UTRN: variants seen among roughly 807,000 people sequenced by gnomAD.
UTRN encodes the protein dystrophin-related protein 1.
A neutral mutation model predicts 463.9 loss-of-function variants in UTRN; 283 were observed. The ratio of observed to expected loss-of-function variants is 0.61; its 90% CI spans 0.55 to 0.67. UTRN has a LOEUF of 0.67. Ranked by LOEUF, UTRN falls within the 30% of genes least tolerant of loss-of-function variation. The probability of loss-of-function intolerance (pLI) is 0.00; values close to 1 mark genes in which losing one functional copy is unlikely to be tolerated. For synonymous variants in UTRN, 1,442 were observed against 1,431.5 expected, an observed-to-expected ratio of 1.01 and a Z score of -0.17; for missense variants, 3,922 against 4,084.3, an observed-to-expected ratio of 0.96 and a Z score of 1.08.
chr6:144,742,458 C>G (rs1404260887), intron 54 of UTRN, among the ~76,000 whole-genome samples: 1 of 152,006 alleles, frequency 6.6e-6, no homozygotes, highest in East Asian at 1.9e-4. Context: ...TAATCAGAAA[C>G]ATCTTTTGGT....
chr6:144,848,539 G>A (rs1782217078), intron 74 of UTRN, among the ~76,000 whole-genome samples: 1 of 152,208 alleles, frequency 6.6e-6, no homozygotes, highest in Admixed American at 6.5e-5. Flanking sequence ...GGATCCTATT[G>A]TCAAAGGATG....
In UTRN at chr6:144,511,128, G is replaced by T; in HGVS notation, c.4944+5G>T. On this transcript the variant is annotated splice_donor_5th_base_variant and intron_variant, in intron 35 of 74. Coordinates refer to ENST00000367545, the MANE Select transcript of UTRN (RefSeq NM_007124.3). ...GATTGGTGCAATACCTTGATGGTATGTCTCAGGAAAAAGTAAATGATGAAA... is the reference window on the plus strand; with the variant it reads ...GATTGGTGCAATACCTTGATGGTATTTCTCAGGAAAAAGTAAATGATGAAA... 2.6e-6 allele frequency: 4 copies of T among 1,527,750 alleles called. No individual in the cohort carries two copies. The highest frequency in any genetic ancestry group is 3.5e-6 in the Non-Finnish European group (4 of 1,130,568). 94.6% of individuals were successfully genotyped at this position (1,527,750 alleles called of 1,614,324 possible).
At chr6:144,518,913 TA>T (rs1191349667) in intron 39 of UTRN, among the ~76,000 whole-genome samples, 1 of 152,106 alleles carries the variant, frequency 6.6e-6, no homozygotes, top group Non-Finnish European at 1.5e-5. Flanking sequence ...GGGGGAGCTT[TA>T]AAAAAACTAC....
chr6:144,583,356 C>G, intron 51 of UTRN: 1 of 525,202 alleles, frequency 1.9e-6, no homozygotes, highest in Non-Finnish European at 3.5e-6. Context: ...AACCTAACCC[C>G]CTGTATCTTT....
intron 3 of UTRN, among the ~76,000 whole-genome samples, chr6:144,406,868 C>T (rs1049923457): frequency 5.3e-5 from 8 of 152,252 alleles, no homozygotes; most frequent in African/African-American, 1.7e-4. Flanking sequence ...ATAGCTGCCT[C>T]CCAATTTACT....
chr6:144,479,760 C>G, intron 25 of UTRN, 52 bp from the exon 26 acceptor site: 1 of 1,561,076 alleles, frequency 6.4e-7, no homozygotes, highest in Non-Finnish European at 8.7e-7. Context: ...TAAAACTTGA[C>G]ATTGAACACA....
At chr6:144,588,750 C>G (rs1003271809) in intron 51 of UTRN, among the ~76,000 whole-genome samples, 2 of 152,210 alleles carry the variant, frequency 1.3e-5, no homozygotes, top group African/African-American at 4.8e-5. Flanking sequence ...CTTCCTCTTA[C>G]TCTTAACTGT....
intron 14 of UTRN, among the ~76,000 whole-genome samples, chr6:144,444,625 G>A (rs975564425): frequency 6.6e-6 from 1 of 152,142 alleles, no homozygotes; most frequent in Admixed American, 6.5e-5. Flanking sequence ...GTACTTAGAA[G>A]ATATGCTATT....
At chr6:144,827,783 G>T (rs1190395548) in intron 68 of UTRN, 107 bp downstream of exon 68, 33 of 1,333,536 alleles carry the variant, frequency 2.5e-5, no homozygotes, top group Middle Eastern at 3.7e-4. Flanking sequence ...ATGCAGTTTT[G>T]CAGGAGTTAT....
intron 3 of UTRN, among the ~76,000 whole-genome samples, chr6:144,408,287 A>G (rs1783595722): frequency 6.6e-6 from 1 of 152,154 alleles, no homozygotes; most frequent in South Asian, 2.1e-4. Context: ...CCCCTTCTAA[A>G]TTTCAGAGCC....
At chr6:144,429,776 C>G (rs1029430398) in intron 9 of UTRN, 35 bp downstream of exon 9, 1 of 1,592,066 alleles carries the variant, frequency 6.3e-7, no homozygotes, top group Non-Finnish European at 8.5e-7. Flanking sequence ...GTTTGGCTTG[C>G]CGTATTTGTT....
At chr6:144,803,348 A>G (rs79612504) in intron 65 of UTRN, among the ~76,000 whole-genome samples, 2,743 of 151,704 alleles carry the variant, frequency 0.018, 43 homozygotes, top group African/African-American at 0.04. Flanking sequence ...CTGTGTTTTG[A>G]TTTTAAACTT....
At chr6:144,590,841 TCTAC>T (rs1562616974) in intron 51 of UTRN, among the ~76,000 whole-genome samples, 9 of 94,050 alleles carry the variant, frequency 9.6e-5, no homozygotes, top group Non-Finnish European at 1.9e-4. Context: ...TCTCTCTCAA[TCTAC>T]ACACACACAC....
At chr6:144,371,498 G>A (rs921404686) in intron 2 of UTRN, among the ~76,000 whole-genome samples, 11 of 152,092 alleles carry the variant, frequency 7.2e-5, no homozygotes, top group African/African-American at 1.7e-4. Context: ...CGCAACCTCC[G>A]CCTCCCAGGT....
Position 144,836,157 on chromosome 6 carries a change from T to G in UTRN, c.9825-144T>G, listed in dbSNP as rs1363558786. ...GGGACACTTGCTTAAAACTACAATTTTATTCCTGCATGCTCATCCTGCTAT... is the reference window on the plus strand; with the variant it reads ...GGGACACTTGCTTAAAACTACAATTGTATTCCTGCATGCTCATCCTGCTAT... On this transcript the variant is annotated intron_variant, in intron 70 of 74. Coordinates refer to ENST00000367545, the MANE Select transcript of UTRN (RefSeq NM_007124.3). 2.7e-6 allele frequency: 4 copies of G among 1,455,944 alleles called. No homozygotes were observed. The East Asian group carries it at 9.1e-5, about 33-fold the overall frequency. The allele number at this position is 1,455,944 out of a possible 1,614,324, so 90.2% of individuals were successfully genotyped here.
intron 22 of UTRN, among the ~76,000 whole-genome samples, chr6:144,462,404 G>T (rs1401671013): frequency 6.6e-6 from 1 of 152,092 alleles, no homozygotes; most frequent in Non-Finnish European, 1.5e-5. Context: ...AGAATGATTT[G>T]TATTCCTTTG....
intron 60 of UTRN, among the ~76,000 whole-genome samples, chr6:144,775,082 T>C (rs1424123943): frequency 6.6e-6 from 1 of 152,226 alleles, no homozygotes; most frequent in African/African-American, 2.4e-5. Context: ...ACCTGTTCTT[T>C]TAAGATAGGG....
intron 51 of UTRN, among the ~76,000 whole-genome samples, chr6:144,625,965 T>G (rs1275802032): frequency 1.3e-5 from 2 of 152,218 alleles, no homozygotes; most frequent in Non-Finnish European, 2.9e-5. Flanking sequence ...CTGAAAAGTT[T>G]CTGTTGACAC....
At chr6:144,661,470 T>TC (rs1489946105) in intron 51 of UTRN, among the ~76,000 whole-genome samples, 1 of 152,140 alleles carries the variant, frequency 6.6e-6, no homozygotes, top group African/African-American at 2.4e-5. Flanking sequence ...AGGGCGGACT[T>TC]CGACCTCTCG....
Sources: allele counts gnomAD v4.1 joint callset (sites outside exome capture counted in the v4.1 genomes callset), GRCh38; gene constraint gnomAD v4.1.1; transcripts MANE v1.5; gene names NCBI Gene and HGNC (gene_info 2026-07-23, HGNC 2026-07-21).